ABCA13: variants seen among roughly 807,000 people sequenced by gnomAD.
ABCA13 encodes the protein ATP binding cassette subfamily A member 13.
In ABCA13, 476 loss-of-function variants were observed where a neutral mutation model predicts 478.7. The observed-to-expected ratio is 0.99, with a 90% confidence interval of 0.92 to 1.07. The LOEUF (loss-of-function observed/expected upper bound fraction) is 1.07, where lower values mean the gene tolerates loss of function less well. Ranked by LOEUF, ABCA13 falls within the 50% of genes least tolerant of loss-of-function variation. ABCA13 has a pLI of 0.00. For missense variants in ABCA13, 6,060 were observed against 5,910.6 expected (o/e 1.03, Z -0.83); for synonymous variants, 2,252 against 2,158.9 (o/e 1.04, Z -1.20).
chr7:48,359,220 G>A (rs1810436234), intron 31 of ABCA13, among the ~76,000 whole-genome samples: 1 of 151,912 alleles, frequency 6.6e-6, no homozygotes, highest in Non-Finnish European at 1.5e-5. Flanking sequence ...TGCTCTGAGT[G>A]GCAGCCCACT....
chr7:48,416,780 C>T (rs1050579119), intron 41 of ABCA13, among the ~76,000 whole-genome samples: 3 of 152,024 alleles, frequency 2.0e-5, no homozygotes, highest in Admixed American at 6.6e-5. Context: ...AGCCTCCCAC[C>T]TGCCCCAGAC....
At chr7:48,347,090 C>T (rs998954755) in intron 29 of ABCA13, among the ~76,000 whole-genome samples, 1 of 152,176 alleles carries the variant, frequency 6.6e-6, no homozygotes, top group Non-Finnish European at 1.5e-5. Flanking sequence ...CCATAAGTAC[C>T]AGTCATTACA....
At position 48,544,648 on chromosome 7, in the gene ABCA13, A is replaced by C. The variant is rs541538549; in HGVS notation, c.14354+16303A>C. Among the ~76,000 whole-genome samples the C allele has an allele frequency of 2.6e-5, 4 of 151,946 alleles. No homozygotes were observed. The East Asian group carries it at 7.7e-4, about 29-fold the overall frequency. On this transcript the variant is annotated intron_variant, in intron 55 of 61. Coordinates refer to ENST00000435803, the MANE Select transcript of ABCA13 (RefSeq NM_152701.5). Reference sequence around the variant, plus strand: ...CCTTCCCACATGCTTTCCCTTATACATCTTTTCATTTCTATCTTTTGTAAT... The same window carrying C: ...CCTTCCCACATGCTTTCCCTTATACCTCTTTTCATTTCTATCTTTTGTAAT...
chr7:48,487,218 G>A (rs1014877232), intron 47 of ABCA13, among the ~76,000 whole-genome samples: 1 of 151,694 alleles, frequency 6.6e-6, no homozygotes, highest in African/African-American at 2.4e-5. Flanking sequence ...GCTAAGGCAA[G>A]AGAATTGCTT....
chr7:48,538,099 C>CTTTTTTTTTTTTTTTTTTTT (rs1563409461), intron 55 of ABCA13, among the ~76,000 whole-genome samples: 1 of 120,010 alleles, frequency 8.3e-6, no homozygotes, highest in Non-Finnish European at 1.7e-5. Flanking sequence ...TTCTTTCTTT[C>CTTTTTTTTTTTTTTTTTTTT]CTTTTTTTTT....
chr7:48,399,994 TC>T (rs1326140418), intron 38 of ABCA13, among the ~76,000 whole-genome samples: 2 of 152,200 alleles, frequency 1.3e-5, no homozygotes, highest in Non-Finnish European at 2.9e-5. Flanking sequence ...ATCTCTTTGT[TC>T]CTTGCATATG....
intron 55 of ABCA13, among the ~76,000 whole-genome samples, chr7:48,554,729 G>A (rs550061321): frequency 4.0e-5 from 6 of 151,318 alleles, no homozygotes; most frequent in Admixed American, 3.3e-4. Flanking sequence ...GTGCTAGAGT[G>A]TTTAGATTTT....
At chr7:48,225,127 GCCTGCCTGCCTTCCTT>G (rs1356466362) in intron 5 of ABCA13, among the ~76,000 whole-genome samples, 7 of 81,990 alleles carry the variant, frequency 8.5e-5, no homozygotes, top group African/African-American at 2.4e-4. Flanking sequence ...CTGCCTGCCT[GCCTGCCTGCCTTCCTT>G]CCTTCCTTCC....
chr7:48,626,735 C>T, intron 59 of ABCA13: 1 of 985,344 alleles, frequency 1.0e-6, no homozygotes, highest in Non-Finnish European at 1.2e-6. Context: ...AAAGGAGGTG[C>T]CTTTGGGTTT....
intron 41 of ABCA13, among the ~76,000 whole-genome samples, chr7:48,417,029 A>G (rs1037904912): frequency 1.3e-5 from 2 of 151,682 alleles, no homozygotes; most frequent in Admixed American, 1.3e-4. Flanking sequence ...GTTCATGGTG[A>G]CATAATTTCT....
At chr7:48,349,133 C>T (rs188917600) in intron 29 of ABCA13, among the ~76,000 whole-genome samples, 38 of 152,302 alleles carry the variant, frequency 2.5e-4, no homozygotes, top group African/African-American at 8.9e-4. Context: ...AGAATTGTAC[C>T]TGGCACAAGA....
rs1829705734 is a variant in ABCA13, at chr7:48,490,062, A to G, written c.13291+718A>G. Among the ~76,000 whole-genome samples, 4 of 152,336 alleles carry G rather than the reference A, an allele frequency of 2.6e-5. No individual in the cohort carries two copies. The South Asian group carries it at 6.2e-4, about 24-fold the overall frequency. ...ATCAACACTAAACAATTTTTCTAAT[A>G]TGCTCTCACTTTATTTCAATCATAC... On this transcript the variant is annotated intron_variant, in intron 48 of 61. Transcript: ENST00000435803.
At chr7:48,265,736 G>T (rs999011265) in intron 15 of ABCA13, among the ~76,000 whole-genome samples, 1 of 151,374 alleles carries the variant, frequency 6.6e-6, no homozygotes, top group African/African-American at 2.4e-5. Flanking sequence ...AATTGTTTTT[G>T]TATGTCTTTT....
intron 43 of ABCA13, among the ~76,000 whole-genome samples, chr7:48,461,952 T>TACAA (rs888125336): frequency 2.0e-5 from 3 of 152,088 alleles, no homozygotes; most frequent in African/African-American, 7.2e-5. Flanking sequence ...AAATGATCCC[T>TACAA]ACAAACAGAT....
chr7:48,350,121 T>A (rs1808732501), intron 29 of ABCA13, among the ~76,000 whole-genome samples: 1 of 152,228 alleles, frequency 6.6e-6, no homozygotes, highest in South Asian at 2.1e-4. Flanking sequence ...AATGCACAGA[T>A]CCAGGACAAA....
rs201608444 is a variant in ABCA13, at chr7:48,204,457, C to T, written c.287+6097C>T. ...AATTCCTGACCTCAGGCGATCTGCC[C>T]CCCTTGGCCTCCCAAAGTGCTGGGA... On this transcript the variant is annotated intron_variant, in intron 3 of 61. Transcript: ENST00000435803. 1.2e-4 allele frequency among the ~76,000 whole-genome samples: 18 copies of T among 152,212 alleles called. No individual in the cohort carries two copies. The East Asian group carries it at 1.5e-3, about 13-fold the overall frequency.
intron 27 of ABCA13, among the ~76,000 whole-genome samples, chr7:48,318,838 T>TA (rs1387470782): frequency 6.6e-6 from 1 of 152,116 alleles, no homozygotes; most frequent in East Asian, 1.9e-4. Flanking sequence ...GCCATGACTT[T>TA]AAAAAAAGAT....
chr7:48,261,997 TA>T (rs1386144471), intron 15 of ABCA13, among the ~76,000 whole-genome samples: 1 of 151,968 alleles, frequency 6.6e-6, no homozygotes, highest in African/African-American at 2.4e-5. Context: ...TCTTTTCTTT[TA>T]GGTGGTTCAA....
At chr7:48,572,053 G>A (rs1046601237) in intron 55 of ABCA13, among the ~76,000 whole-genome samples, 9 of 152,090 alleles carry the variant, frequency 5.9e-5, no homozygotes, top group South Asian at 4.1e-4. Flanking sequence ...GGTGGCACAC[G>A]CATGTAATCC....
Sources: gnomAD v4.1 joint callset for allele counts (sites outside exome capture counted in the v4.1 genomes callset) on GRCh38, gnomAD v4.1.1 for gene constraint, MANE v1.5 for transcripts, NCBI Gene and HGNC (gene_info 2026-07-23, HGNC 2026-07-21) for gene names.